Variants in WDR70 observed in about 807,000 individuals in gnomAD.
WDR70 encodes the protein WD repeat-containing protein 70.
In WDR70, 53 loss-of-function variants were observed where a neutral mutation model predicts 88.6. The ratio of observed to expected loss-of-function variants is 0.60; its 90% confidence interval spans 0.48 to 0.75. The LOEUF is 0.75. WDR70 is among the 30% of genes least tolerant of loss of function. The probability of loss-of-function intolerance (pLI) is 0.00; values close to 1 mark genes in which losing one functional copy is unlikely to be tolerated. For synonymous variants in WDR70, 280 were observed against 270.0 expected, an observed-to-expected ratio of 1.04 and a Z score of -0.36; for missense variants, 610 against 823.2, an observed-to-expected ratio of 0.74 and a Z score of 3.17.
chr5:37,397,391 C>G (rs1480814757), intron 5 of WDR70, among the ~76,000 whole-genome samples: 3 of 151,410 alleles, frequency 2.0e-5, no homozygotes, highest in East Asian at 1.9e-4. Flanking sequence ...ATCGCTTGAA[C>G]CTGGGAGGCA....
intron 9 of WDR70, among the ~76,000 whole-genome samples, chr5:37,597,076 C>T (rs555128308): frequency 6.6e-6 from 1 of 152,234 alleles, no homozygotes; most frequent in East Asian, 1.9e-4. Flanking sequence ...GGATGTACTA[C>T]TTTATTTAGT....
chr5:37,540,746 A>G (rs925990204), intron 9 of WDR70, among the ~76,000 whole-genome samples: 3 of 152,206 alleles, frequency 2.0e-5, no homozygotes, highest in Non-Finnish European at 4.4e-5. Context: ...TTTAAAATGT[A>G]TTCTTTTACA....
intron 9 of WDR70, among the ~76,000 whole-genome samples, chr5:37,557,901 A>C (rs199678646): frequency 3.2e-5 from 1 of 30,806 alleles, no homozygotes; most frequent in Non-Finnish European, 6.7e-5. Context: ...CTTCAGATTT[A>C]TACTCTTTTG....
intron 8 of WDR70, chr5:37,506,478 C>T: frequency 2.6e-6 from 2 of 768,792 alleles, no homozygotes; most frequent in South Asian, 2.7e-5. Context: ...TTGCTTATTT[C>T]CCCAGACACC....
rs542223923 is a variant in WDR70, at chr5:37,603,819, A to T, written c.918-1245A>T. ...ATTATGTATTGATTATAAAAATATGATAGCAATTGCTTTAGAGTTTGTAAT... is the reference window on the plus strand; with the variant it reads ...ATTATGTATTGATTATAAAAATATGTTAGCAATTGCTTTAGAGTTTGTAAT... On this transcript the variant is annotated intron_variant, in intron 9 of 17. Transcript: ENST00000265107. 2.0e-5 allele frequency among the ~76,000 whole-genome samples: 3 copies of T among 152,326 alleles called. No homozygotes were observed. In the East Asian group the frequency reaches 5.8e-4, roughly 29 times the overall value.
chr5:37,494,526 GAT>G (rs1311626362), intron 8 of WDR70, among the ~76,000 whole-genome samples: 1 of 152,164 alleles, frequency 6.6e-6, no homozygotes, highest in East Asian at 1.9e-4. Context: ...GGACACTCAG[GAT>G]TATGCTGAGA....
chr5:37,549,477 T>C (rs1033437338), intron 9 of WDR70, among the ~76,000 whole-genome samples: 6 of 152,172 alleles, frequency 3.9e-5, no homozygotes, highest in African/African-American at 1.4e-4. Context: ...TTTTTTTATG[T>C]TGATTTTGTA....
intron 5 of WDR70, among the ~76,000 whole-genome samples, chr5:37,400,946 T>C (rs529330067): frequency 3.2e-4 from 48 of 152,134 alleles, no homozygotes; most frequent in Non-Finnish European, 5.1e-4. Context: ...ATCCAGAAAG[T>C]ATGAATAAAT....
rs1443849063 is a variant in WDR70, at chr5:37,701,143, G to T, written c.1277+1G>T. On this transcript the variant is annotated splice_donor_variant, in intron 12 of 17. Coordinates refer to ENST00000265107, the MANE Select transcript of WDR70 (RefSeq NM_018034.4). LOFTEE classifies it high-confidence loss of function. ...CGGGTCTTCCCACCATGTTCCCAATGTAAGTAGCATATTTTAAATATTTGA... is the reference window on the plus strand; with the variant it reads ...CGGGTCTTCCCACCATGTTCCCAATTTAAGTAGCATATTTTAAATATTTGA... The T allele has an allele frequency of 4.4e-6, 7 of 1,578,716 alleles. No homozygotes were observed. Among genetic ancestry groups the T allele is most frequent in the African/African-American group, 2.7e-5 (2 of 74,086 alleles).
At chr5:37,592,876 C>CAG (rs1358733230) in intron 9 of WDR70, among the ~76,000 whole-genome samples, 4 of 152,174 alleles carry the variant, frequency 2.6e-5, no homozygotes, top group Non-Finnish European at 5.9e-5. Flanking sequence ...AAATTTCTGC[C>CAG]AGTAACGGTG....
chr5:37,427,310 A>T (rs963589528), intron 5 of WDR70, among the ~76,000 whole-genome samples: 3 of 151,540 alleles, frequency 2.0e-5, no homozygotes, highest in Admixed American at 2.0e-4. Flanking sequence ...AATGGCATGA[A>T]CCCGGGAGGC....
chr5:37,469,823 C>A (rs1739270155), intron 7 of WDR70, among the ~76,000 whole-genome samples: 1 of 152,010 alleles, frequency 6.6e-6, no homozygotes, highest in Non-Finnish European at 1.5e-5. Flanking sequence ...ATAAATAGCC[C>A]CTAAGGTAAA....
intron 7 of WDR70, among the ~76,000 whole-genome samples, chr5:37,474,067 T>G (rs1287564819): frequency 6.6e-6 from 1 of 152,208 alleles, no homozygotes; most frequent in African/African-American, 2.4e-5. Context: ...CTAATTTGTA[T>G]TGTGTTTTTT....
chr5:37,747,634 T>C (rs2973065), intron 17 of WDR70, among the ~76,000 whole-genome samples: 5,203 of 152,248 alleles, frequency 0.034, 311 homozygotes, highest in African/African-American at 0.12. Context: ...CAACGTAGTA[T>C]TGGAAATTCT....
chr5:37,643,964 G>A (rs1426300120), intron 10 of WDR70, among the ~76,000 whole-genome samples: 2 of 151,752 alleles, frequency 1.3e-5, no homozygotes, highest in African/African-American at 4.8e-5. Context: ...TTCCAATTTG[G>A]ATGTTTTTTT....
intron 7 of WDR70, among the ~76,000 whole-genome samples, chr5:37,470,416 A>C (rs1405877684): frequency 6.6e-6 from 1 of 152,196 alleles, no homozygotes; most frequent in Non-Finnish European, 1.5e-5. Flanking sequence ...GACTAATCAT[A>C]AAATGAATAC....
At chr5:37,720,254 C>T (rs1325725781) in intron 13 of WDR70, among the ~76,000 whole-genome samples, 1 of 152,136 alleles carries the variant, frequency 6.6e-6, no homozygotes, top group Non-Finnish European at 1.5e-5. Flanking sequence ...TGAATTAATG[C>T]TTCCACTCAT....
rs1030899635 is a variant in WDR70 at position 37,633,878 on chromosome 5, A to C, written c.1092+28640A>C. Among the ~76,000 whole-genome samples the C allele has an allele frequency of 8.5e-5, 13 of 152,316 alleles. No homozygotes were observed. In the East Asian group the frequency reaches 1.9e-3, roughly 23 times the overall value. On this transcript the variant is annotated intron_variant, in intron 10 of 17. Transcript: ENST00000265107. ...CCTCTTATATAAACCTGAAACATAT[A>C]GGGCTGTGTGTATGTTCAAGTTTGA...
intron 13 of WDR70, among the ~76,000 whole-genome samples, chr5:37,712,809 C>G (rs1353484514): frequency 1.3e-5 from 2 of 152,080 alleles, no homozygotes; most frequent in African/African-American, 4.8e-5. Flanking sequence ...TCGAGTGATT[C>G]TTGTGCCTCA....
Sources: allele counts gnomAD v4.1 joint callset (sites outside exome capture counted in the v4.1 genomes callset), GRCh38; gene constraint gnomAD v4.1.1; transcripts MANE v1.5; gene names NCBI Gene and HGNC (gene_info 2026-07-23, HGNC 2026-07-21).